The following NPAS3 variants were observed in gnomAD, a reference collection of about 807,000 sequenced individuals.
The protein encoded by NPAS3 is neuronal PAS domain-containing protein 3.
A neutral mutation model predicts 73.1 loss-of-function variants in NPAS3; 14 were observed. The ratio of observed to expected loss-of-function variants is 0.19; its 90% CI spans 0.13 to 0.30. The LOEUF (loss-of-function observed/expected upper bound fraction) is 0.30, where lower values mean the gene tolerates loss of function less well. Ranked by LOEUF, NPAS3 falls within the 10% of genes least tolerant of loss-of-function variation. The pLI is 1.00. For missense variants in NPAS3, 1,096 were observed against 1,250.0 expected, an observed-to-expected ratio of 0.88 and a Z score of 1.86; for synonymous variants, 620 against 541.5, an observed-to-expected ratio of 1.14 and a Z score of -2.01.
rs371428800 is a variant in NPAS3 at position 33,240,623 on chromosome 14, G to C, written c.385+25197G>C. On this transcript the variant is annotated intron_variant, in intron 3 of 11. Transcript: ENST00000356141. ...TGATTCACTGTTGGAGAAGCCAAAGGAACATTTGTTGTTTCCCATGCTCTG... is the reference window on the plus strand; with the variant it reads ...TGATTCACTGTTGGAGAAGCCAAAGCAACATTTGTTGTTTCCCATGCTCTG... Among the ~76,000 whole-genome samples, 9 of 151,788 alleles carry C rather than the reference G, an allele frequency of 5.9e-5. No individual in the cohort carries two copies. In the East Asian group the frequency reaches 1.7e-3, roughly 29 times the overall value.
intron 4 of NPAS3, among the ~76,000 whole-genome samples, chr14:33,372,371 C>T (rs991037207): frequency 5.9e-5 from 9 of 152,046 alleles, no homozygotes; most frequent in African/African-American, 1.9e-4. Context: ...CGTATATTCT[C>T]GTAGGGAAAA....
At chr14:33,346,527 CAAA>C (rs33926266) in intron 3 of NPAS3, among the ~76,000 whole-genome samples, 3 of 70,930 alleles carry the variant, frequency 4.2e-5, no homozygotes, top group African/African-American at 1.0e-4. Flanking sequence ...GACCCTGTCT[CAAA>C]AAAAAAAAAA....
At chr14:33,296,271 T>C (rs1398246221) in intron 3 of NPAS3, among the ~76,000 whole-genome samples, 4 of 152,202 alleles carry the variant, frequency 2.6e-5, no homozygotes, top group African/African-American at 9.7e-5. Flanking sequence ...TACTTCATTG[T>C]CTCTTTTAAT....
exon 3 of NPAS3, chr14:33,215,287 A>G (rs751945494): frequency 6.4e-7 from 1 of 1,556,878 alleles, no homozygotes; most frequent in Non-Finnish European, 8.9e-7. Context: ...CTCTTCCTGC[A>G]GCCATTACCA....
intron 5 of NPAS3, among the ~76,000 whole-genome samples, chr14:33,589,515 G>T (rs928218617): frequency 6.6e-6 from 1 of 152,148 alleles, no homozygotes; most frequent in African/African-American, 2.4e-5. Context: ...ATTAGTCAGC[G>T]TTGGATGAGT....
chr14:33,288,873 G>C (rs1266079024), intron 3 of NPAS3, among the ~76,000 whole-genome samples: 2 of 152,114 alleles, frequency 1.3e-5, no homozygotes, highest in Non-Finnish European at 2.9e-5. Flanking sequence ...TATGGAACCT[G>C]AGTCTAGAAT....
intron 5 of NPAS3, among the ~76,000 whole-genome samples, chr14:33,562,470 GC>G (rs1450380114): frequency 6.6e-6 from 1 of 152,164 alleles, no homozygotes; most frequent in Admixed American, 6.5e-5. Flanking sequence ...GCAGGTAGAG[GC>G]TATGAGATAG....
At chr14:33,501,220 C>A (rs540972384) in intron 4 of NPAS3, among the ~76,000 whole-genome samples, 57 of 151,842 alleles carry the variant, frequency 3.8e-4, no homozygotes, top group African/African-American at 1.3e-3. Flanking sequence ...TTTCTTTACG[C>A]AGGAAAACAA....
At chr14:33,747,566 T>C (rs972517669) in intron 7 of NPAS3, among the ~76,000 whole-genome samples, 5 of 152,224 alleles carry the variant, frequency 3.3e-5, no homozygotes, top group Non-Finnish European at 7.3e-5. Flanking sequence ...GAATCATCTG[T>C]GTAATCAAAT....
intron 2 of NPAS3, among the ~76,000 whole-genome samples, chr14:33,065,231 G>A (rs376770713): frequency 2.0e-5 from 3 of 152,106 alleles, no homozygotes; most frequent in East Asian, 3.9e-4. Context: ...GTTATAGAAC[G>A]AAGCTAGTGG....
At chr14:33,644,393 T>TA (rs2058763318) in intron 5 of NPAS3, among the ~76,000 whole-genome samples, 1 of 152,250 alleles carries the variant, frequency 6.6e-6, no homozygotes, top group Non-Finnish European at 1.5e-5. Context: ...GCGTTAGAGT[T>TA]ATGCCTGTGT....
chr14:33,568,122 G>GA (rs376822595), intron 5 of NPAS3, among the ~76,000 whole-genome samples: 2 of 151,890 alleles, frequency 1.3e-5, no homozygotes, highest in Non-Finnish European at 2.9e-5. Flanking sequence ...TCTAAAGTCA[G>GA]AAAAAAAATA....
intron 2 of NPAS3, among the ~76,000 whole-genome samples, chr14:33,080,227 C>A (rs971775448): frequency 6.6e-5 from 10 of 151,984 alleles, no homozygotes; most frequent in Admixed American, 4.6e-4. Context: ...CCTGCCTCAG[C>A]CTCCCGAGTA....
intron 5 of NPAS3, among the ~76,000 whole-genome samples, chr14:33,673,841 C>T (rs2059678888): frequency 6.6e-6 from 1 of 152,198 alleles, no homozygotes; most frequent in South Asian, 2.1e-4. Flanking sequence ...CAAGGTCACA[C>T]AACTGAGGAG....
intron 4 of NPAS3, among the ~76,000 whole-genome samples, chr14:33,508,712 T>C (rs2139989015): frequency 6.6e-6 from 1 of 152,132 alleles, no homozygotes; most frequent in Non-Finnish European, 1.5e-5. Flanking sequence ...TGTGAGAGTA[T>C]ATATGATCAT....
chr14:32,995,808 G>A (rs145120656), intron 1 of NPAS3, among the ~76,000 whole-genome samples: 3 of 152,118 alleles, frequency 2.0e-5, no homozygotes, highest in Non-Finnish European at 4.4e-5. Context: ...TTTGTAAATT[G>A]TCCAGTCGGG....
At chr14:33,774,356 G>A in exon 8 of NPAS3, 3 of 1,613,816 alleles carry the variant, frequency 1.9e-6, no homozygotes, top group Non-Finnish European at 1.7e-6. Flanking sequence ...ATAACAGGCC[G>A]GCTACGCCTG....
chr14:33,144,162 C>T (rs76451404), intron 2 of NPAS3, among the ~76,000 whole-genome samples: 3,124 of 152,242 alleles, frequency 0.021, 111 homozygotes, highest in African/African-American at 0.071. Flanking sequence ...ATTTAATCAT[C>T]TTACATTCAC....
intron 1 of NPAS3, among the ~76,000 whole-genome samples, chr14:32,986,089 C>T (rs186069214): frequency 2.5e-4 from 38 of 152,212 alleles, no homozygotes; most frequent in African/African-American, 8.4e-4. Context: ...CCTCTTGAAC[C>T]GTCTGTGTGC....
Sources: gnomAD v4.1 joint callset for allele counts (sites outside exome capture counted in the v4.1 genomes callset) on GRCh38, gnomAD v4.1.1 for gene constraint, MANE v1.5 for transcripts, NCBI Gene and HGNC (gene_info 2026-07-23, HGNC 2026-07-21) for gene names.